Variants in ELF1 observed in about 807,000 individuals in gnomAD.
ELF1 encodes ETS-related transcription factor Elf-1.
A neutral mutation model predicts 59.9 loss-of-function variants in ELF1; 24 were observed. The ratio of observed to expected loss-of-function variants is 0.40; its 90% CI spans 0.29 to 0.56. The LOEUF is 0.56. Ranked by LOEUF, ELF1 falls within the 20% of genes least tolerant of loss-of-function variation. The probability of loss-of-function intolerance (pLI) is 0.44; values close to 1 mark genes in which losing one functional copy is unlikely to be tolerated. For missense variants in ELF1, 627 were observed against 742.2 expected (o/e 0.84, Z 1.80); for synonymous variants, 248 against 266.2 (o/e 0.93, Z 0.67).
intron 8 of ELF1, among the ~76,000 whole-genome samples, chr13:40,938,800 A>G (rs1224440198): frequency 2.0e-5 from 3 of 152,052 alleles, no homozygotes; most frequent in Admixed American, 1.3e-4. Context: ...GATTTTATTA[A>G]TAAGTCATCA....
chr13:40,967,660 C>T (rs1036758420), intron 2 of ELF1, among the ~76,000 whole-genome samples: 4 of 152,130 alleles, frequency 2.6e-5, no homozygotes, highest in Admixed American at 2.6e-4. Flanking sequence ...GGCGTGATCA[C>T]AGCTCACTGC....
intron 2 of ELF1, among the ~76,000 whole-genome samples, chr13:40,973,939 T>C (rs1377395069): frequency 2.0e-5 from 3 of 152,268 alleles, no homozygotes; most frequent in Non-Finnish European, 4.4e-5. Flanking sequence ...TATGATTCCA[T>C]TTACTATAAC....
intron 8 of ELF1, among the ~76,000 whole-genome samples, chr13:40,936,235 G>A (rs1343187269): frequency 1.3e-5 from 2 of 152,046 alleles, no homozygotes; most frequent in African/African-American, 2.4e-5. Context: ...ACAGACTGCC[G>A]CCACTTAAGT....
At chr13:40,953,299 T>G (rs1870981604) in intron 3 of ELF1, among the ~76,000 whole-genome samples, 1 of 152,306 alleles carries the variant, frequency 6.6e-6, no homozygotes, top group East Asian at 1.9e-4. Context: ...TAATATCATC[T>G]ATTATAGGCT....
At chr13:40,986,937 C>CTCTTTTTTTTT (rs552477115) in intron 1 of ELF1, among the ~76,000 whole-genome samples, 2 of 126,880 alleles carry the variant, frequency 1.6e-5, no homozygotes, top group Non-Finnish European at 1.6e-5. Flanking sequence ...AATCATTGCT[C>CTCTTTTTTTTT]TTTTTTTTTT....
intron 1 of ELF1, among the ~76,000 whole-genome samples, chr13:41,052,666 T>C (rs554517560): frequency 6.6e-6 from 1 of 152,118 alleles, no homozygotes; most frequent in South Asian, 2.1e-4. Context: ...CAGTGAGCCA[T>C]GATCATGACA....
chr13:40,967,093 C>T (rs772899526), intron 2 of ELF1, among the ~76,000 whole-genome samples: 2 of 152,214 alleles, frequency 1.3e-5, no homozygotes, highest in Non-Finnish European at 2.9e-5. Context: ...CTGTGCCCAG[C>T]CTTCAAATCA....
chr13:40,985,534 T>C (rs1037670452), intron 1 of ELF1, among the ~76,000 whole-genome samples: 1 of 152,218 alleles, frequency 6.6e-6, no homozygotes, highest in Non-Finnish European at 1.5e-5. Flanking sequence ...TAACAGTTTA[T>C]AACACAGATT....
Position 40,964,879 on chromosome 13 carries a change from C to A in ELF1, c.73-5863G>T, listed in dbSNP as rs116411733. ...AGGACACCAGGTAGTGGAGTAAGGG[C>A]TCCCCTCTCCTGTAGTGTAACTTCT... On this transcript the variant is annotated intron_variant, in intron 2 of 8. Transcript: ENST00000239882. 8.9e-4 allele frequency among the ~76,000 whole-genome samples: 135 copies of A among 152,192 alleles called. 1 individual carries two copies. Among genetic ancestry groups the A allele is most frequent in the African/African-American group, 3.2e-3 (131 of 41,522 alleles).
intron 1 of ELF1, among the ~76,000 whole-genome samples, chr13:41,043,142 G>A (rs1017108431): frequency 6.6e-6 from 1 of 152,156 alleles, no homozygotes; most frequent in African/African-American, 2.4e-5. Flanking sequence ...CCCACTTTTT[G>A]ATGGGGTTGT....
At chr13:40,983,366 T>C (rs916575823) in intron 1 of ELF1, among the ~76,000 whole-genome samples, 1 of 152,212 alleles carries the variant, frequency 6.6e-6, no homozygotes, top group Non-Finnish European at 1.5e-5. Context: ...GTGAATCAGT[T>C]TCCCTGAAAA....
intron 1 of ELF1, among the ~76,000 whole-genome samples, chr13:41,015,203 G>C (rs540376007): frequency 6.6e-6 from 1 of 151,702 alleles, no homozygotes; most frequent in Non-Finnish European, 1.5e-5. Flanking sequence ...AGTTCACTGA[G>C]AAATAAAAAA....
At chr13:41,036,212 G>A (rs1199757247) in intron 1 of ELF1, among the ~76,000 whole-genome samples, 2 of 151,498 alleles carry the variant, frequency 1.3e-5, no homozygotes, top group African/African-American at 4.8e-5. Flanking sequence ...CACCACAGCC[G>A]GCCAAAAAAA....
chr13:40,988,445 T>A (rs1873669352), intron 1 of ELF1, among the ~76,000 whole-genome samples: 1 of 152,128 alleles, frequency 6.6e-6, no homozygotes, highest in African/African-American at 2.4e-5. Flanking sequence ...AAATAAGAAA[T>A]CCCCTAGACA....
intron 1 of ELF1, among the ~76,000 whole-genome samples, chr13:40,987,236 G>A (rs538718170): frequency 6.7e-6 from 1 of 148,838 alleles, no homozygotes; most frequent in African/African-American, 2.5e-5. Context: ...GCACCCGGCC[G>A]AAAATCACTG....
chr13:40,994,430 G>A lies in ELF1; in HGVS notation c.-228-12148C>T, dbSNP rs149045844. Among the ~76,000 whole-genome samples, 805 of 152,268 alleles carry A rather than the reference G, an allele frequency of 5.3e-3. 6 individuals carry two copies. The highest frequency in any genetic ancestry group is 0.019 in the African/African-American group (774 of 41,548). On this transcript the variant is annotated intron_variant, in intron 1 of 8. Transcript: ENST00000239882. ...AGCCCAAGAGGGCAGATCACTTGAGGTCAGGAGTTCAAGACCAGCCTGGCC... is the reference window on the plus strand; with the variant it reads ...AGCCCAAGAGGGCAGATCACTTGAGATCAGGAGTTCAAGACCAGCCTGGCC...
chr13:40,975,314 T>G (rs1593373344), intron 2 of ELF1, among the ~76,000 whole-genome samples: 2 of 152,126 alleles, frequency 1.3e-5, no homozygotes, highest in Non-Finnish European at 2.9e-5. Flanking sequence ...GTGTGACTTA[T>G]CCTCTTACAT....
intron 1 of ELF1, among the ~76,000 whole-genome samples, chr13:41,057,390 CTCT>C (rs1877326831): frequency 6.6e-6 from 1 of 151,598 alleles, no homozygotes; most frequent in Non-Finnish European, 1.5e-5. Context: ...CTCACTTTTT[CTCT>C]TTTTTTTCCC....
chr13:40,953,887 CT>C (rs1339129669), intron 3 of ELF1, among the ~76,000 whole-genome samples: 4 of 152,174 alleles, frequency 2.6e-5, no homozygotes, highest in Non-Finnish European at 4.4e-5. Context: ...AACAGAGAAT[CT>C]GGTTTCCTCT....
Sources: gnomAD v4.1 joint callset for allele counts (sites outside exome capture counted in the v4.1 genomes callset) on GRCh38, gnomAD v4.1.1 for gene constraint, MANE v1.5 for transcripts, NCBI Gene and HGNC (gene_info 2026-07-23, HGNC 2026-07-21) for gene names.